Variants in ZNF367 observed in about 807,000 individuals in gnomAD.
ZNF367 encodes zinc finger protein 367.
In ZNF367, 11 loss-of-function variants were observed where a neutral mutation model predicts 31.8. The observed-to-expected ratio is 0.35, with a 90% CI of 0.22 to 0.57. The LOEUF (loss-of-function observed/expected upper bound fraction) is 0.57. Among genes scored for constraint, ZNF367 ranks in the 20% least tolerant of loss-of-function variants. The pLI is 0.85. For missense variants in ZNF367, 353 were observed against 484.1 expected (o/e 0.73, Z 2.54); for synonymous variants, 199 against 202.4 (o/e 0.98, Z 0.14).
At position 96,418,024 on chromosome 9, in the gene ZNF367, C is replaced by G. The variant is rs1259538806; in HGVS notation, c.9G>C (p.Arg3=). 1 of 1,376,102 alleles carries G rather than the reference C, an allele frequency of 7.3e-7. No homozygotes were observed. The highest frequency in any genetic ancestry group is 1.5e-5 in the African/African-American group (1 of 65,458). The allele number at this position is 1,376,102 out of a possible 1,614,324, so 85.2% of individuals were successfully genotyped here. Residue 3 remains arginine (R), a synonymous_variant, in exon 1 of 5, where the codon CGG becomes CGC. Coordinates refer to ENST00000375256, the MANE Select transcript of ZNF367 (RefSeq NM_153695.4). ...TCTCCGCCATGGGCGCCTCGAAGCC[C>G]CGGATCATCGCCCGGCCCGACCCCC... MI[R]GFEAPMAENP... is the part of the protein sequence containing the mutation.
At position 96,394,927 on chromosome 9, in the gene ZNF367, A is replaced by G; in HGVS notation, c.587T>C (p.Leu196Pro). The G allele has an allele frequency of 6.2e-7, 1 of 1,614,070 alleles. No homozygotes were observed. The highest frequency in any genetic ancestry group is 8.5e-7 in the Non-Finnish European group (1 of 1,179,956). ...TTTTCCACAGTCTGGATAGTCACAC[A>G]GATAGGGCCTCTCACCTAAGTAGAC... ...KRTHTGERPY[L>P]CDYPDCGKAF... The change falls in exon 3 of 5, where the codon CTG (leucine) becomes CCG (proline). Residue 196 changes from leucine (L) to proline (P), a missense_variant. This residue lies in a region of ZNF367 where 57 missense variants were observed against 141.9 expected (regional missense o/e 0.40). Coordinates refer to ENST00000375256, the MANE Select transcript of ZNF367 (RefSeq NM_153695.4).
intron 3 of ZNF367, among the ~76,000 whole-genome samples, chr9:96,393,574 G>A (rs1249161040): frequency 1.3e-5 from 2 of 152,120 alleles, no homozygotes. Context: ...GCTCACGCCT[G>A]TAATCCCAGC....
At chr9:96,388,616 A>G (rs947544145) in intron 4 of ZNF367, among the ~76,000 whole-genome samples, 157 bp from the exon 5 acceptor site, 1 of 152,254 alleles carries the variant, frequency 6.6e-6, no homozygotes, top group African/African-American at 2.4e-5. Context: ...TTATAGAGGA[A>G]AGAAACTGAA....
Position 96,387,919 on chromosome 9 carries a change from G to A in ZNF367, c.*318C>T, listed in dbSNP as rs921819692. On this transcript the variant is annotated 3_prime_UTR_variant, in exon 5 of 5. Transcript: ENST00000375256. ...GTTTTTCAAACAAGTGTCTTATTCA[G>A]AAAGTGCTTCCTGTGAGAACTGCTT... is the stretch of plus-strand genomic sequence containing the variant. 3.6e-6 allele frequency: 1 copy of A among 281,280 alleles called. No individual in the cohort carries two copies. 17.4% of individuals were successfully genotyped at this position (281,280 alleles called of 1,614,324 possible).
chr9:96,406,487 TA>T (rs1831672967), intron 1 of ZNF367, among the ~76,000 whole-genome samples: 1 of 152,236 alleles, frequency 6.6e-6, no homozygotes, highest in South Asian at 2.1e-4. Context: ...TTCAGTCTTA[TA>T]CCATGAATAT....
intron 2 of ZNF367, among the ~76,000 whole-genome samples, chr9:96,395,479 A>G (rs901640043): frequency 6.6e-6 from 1 of 152,178 alleles, no homozygotes; most frequent in African/African-American, 2.4e-5. Context: ...GTCCTCTAAG[A>G]TCGGCACTCT....
chr9:96,396,658 G>A (rs1831533931), intron 2 of ZNF367, among the ~76,000 whole-genome samples: 1 of 151,684 alleles, frequency 6.6e-6, no homozygotes, highest in South Asian at 2.1e-4. Context: ...TAAAGAGAAA[G>A]AGGTGAAATA....
intron 3 of ZNF367, among the ~76,000 whole-genome samples, chr9:96,393,900 T>C (rs965319872): frequency 6.6e-6 from 1 of 152,222 alleles, no homozygotes; most frequent in Non-Finnish European, 1.5e-5. Context: ...TTAAGCAAAC[T>C]TGCTGGATGA....
intron 1 of ZNF367, among the ~76,000 whole-genome samples, chr9:96,413,581 T>C (rs1831780698): frequency 6.6e-6 from 1 of 152,152 alleles, no homozygotes; most frequent in South Asian, 2.1e-4. Flanking sequence ...GCAGTCTTAG[T>C]AGAGGGCACA....
In ZNF367 at chr9:96,389,156, C is replaced by T. The variant is rs546018272; in HGVS notation, c.831-697G>A. On this transcript the variant is annotated intron_variant, in intron 4 of 4. Coordinates refer to ENST00000375256, the MANE Select transcript of ZNF367 (RefSeq NM_153695.4). ...GTACTAAAAATACAAAAAAATTTGCCGGGCATGGTGGCAGGCACCTGTAAT... is the reference window on the plus strand; with the variant it reads ...GTACTAAAAATACAAAAAAATTTGCTGGGCATGGTGGCAGGCACCTGTAAT... Among the ~76,000 whole-genome samples, 16 of 151,862 alleles carry T rather than the reference C, an allele frequency of 1.1e-4. No individual in the cohort carries two copies. In the South Asian group the frequency reaches 1.9e-3, roughly 18 times the overall value.
At chr9:96,415,479 A>AT (rs56349404) in intron 1 of ZNF367, among the ~76,000 whole-genome samples, 646 of 37,778 alleles carry the variant, frequency 0.017, 252 homozygotes, top group East Asian at 0.022. Flanking sequence ...TAGTTTCTTC[A>AT]TTTTTTTTTT....
At chr9:96,389,549 G>A (rs944179259) in intron 4 of ZNF367, among the ~76,000 whole-genome samples, 1 of 151,728 alleles carries the variant, frequency 6.6e-6, no homozygotes, top group African/African-American at 2.4e-5. Context: ...TCACAAAGGG[G>A]GCACGAAGAA....
intron 1 of ZNF367, among the ~76,000 whole-genome samples, chr9:96,411,063 G>GTGGC (rs1237215527): frequency 1.3e-5 from 2 of 151,518 alleles, no homozygotes; most frequent in Non-Finnish European, 2.9e-5. Flanking sequence ...GCCAGGTGTG[G>GTGGC]TGGCATACAC....
intron 1 of ZNF367, among the ~76,000 whole-genome samples, chr9:96,405,560 C>T (rs1831662372): frequency 6.6e-6 from 1 of 151,618 alleles, no homozygotes; most frequent in Non-Finnish European, 1.5e-5. Flanking sequence ...GTATCGATAT[C>T]ATATATATAT....
Position 96,415,478 on chromosome 9 carries a change from CATTTT to C in ZNF367, c.420+2130_420+2134del, listed in dbSNP as rs1831810050. ...TCAACGCTTCTATCGTTAGTTTCTT[CATTTT>C]TTTTTTTTTTTTTTTTTTTTTTTTT... On this transcript the variant is annotated intron_variant, in intron 1 of 4. Transcript: ENST00000375256. Among the ~76,000 whole-genome samples the C allele has an allele frequency of 4.6e-5, 3 of 65,574 alleles. 1 individual carries two copies. Among genetic ancestry groups the C allele is most frequent in the African/African-American group, 1.1e-4 (2 of 17,768 alleles). 43.0% of individuals were successfully genotyped at this position (65,574 alleles called of 152,430 possible).
At chr9:96,402,174 T>G (rs1345853639) in intron 1 of ZNF367, among the ~76,000 whole-genome samples, 2 of 151,744 alleles carry the variant, frequency 1.3e-5, no homozygotes, top group African/African-American at 4.8e-5. Context: ...GAGAATCACT[T>G]GAACCCAGAA....
At chr9:96,388,781 A>G (rs1226410133) in intron 4 of ZNF367, among the ~76,000 whole-genome samples, 1 of 152,254 alleles carries the variant, frequency 6.6e-6, no homozygotes, top group South Asian at 2.1e-4. Context: ...GAAATAGTAG[A>G]AAAAACAGTC....
At chr9:96,401,166 C>T (rs1831598887) in intron 1 of ZNF367, among the ~76,000 whole-genome samples, 2 of 151,974 alleles carry the variant, frequency 1.3e-5, no homozygotes, top group South Asian at 4.2e-4. Flanking sequence ...GTCAAGGCTG[C>T]AATGAGCCAT....
rs368886303 is a variant in ZNF367, at chr9:96,392,434, G to A, written c.794C>T (p.Ala265Val). Residue 265 changes from alanine (A) to valine (V), a missense_variant, in exon 4 of 5, where the codon GCT becomes GTT. Ala to Val is a moderately conservative substitution (Grantham distance 64, BLOSUM62 0). This residue lies in a region of ZNF367 where 101 missense variants were observed against 140.0 expected (regional missense o/e 0.72). Transcript: ENST00000375256. ...EPTDTLSKHQ[A>V]ADNKAAAEWL... ...CTCGGCCGCGGCCTTGTTGTCGGCAGCCTGATGTTTGCTGAGTGTGTCCGT... is the reference window on the plus strand; with the variant it reads ...CTCGGCCGCGGCCTTGTTGTCGGCAACCTGATGTTTGCTGAGTGTGTCCGT... 50 of 1,614,108 alleles carry A rather than the reference G, an allele frequency of 3.1e-5. No homozygotes were observed. The highest frequency in any genetic ancestry group is 3.3e-4 in the Middle Eastern group (2 of 6,084).
Sources: gnomAD v4.1 joint callset for allele counts (sites outside exome capture counted in the v4.1 genomes callset) on GRCh38, gnomAD v4.1.1 for gene constraint, gnomAD v4.1.1 regional missense constraint, MANE v1.5 for transcripts, NCBI Gene and HGNC (gene_info 2026-07-23, HGNC 2026-07-21) for gene names.